Variants in NCAM2 observed in about 807,000 individuals in gnomAD.
The protein encoded by NCAM2 is N-CAM-2.
Under a neutral mutation model 98.1 loss-of-function variants are expected in NCAM2, and 30 were observed. That is an observed-to-expected ratio of 0.31 (90% CI 0.23 to 0.41). NCAM2 has a LOEUF of 0.41. Ranked by LOEUF, NCAM2 falls within the 10% of genes least tolerant of loss-of-function variation. The pLI, the probability that NCAM2 is intolerant of heterozygous loss-of-function variation, is 1.00. For missense variants in NCAM2, 867 were observed against 1,005.8 expected (o/e 0.86, Z 1.87); for synonymous variants, 368 against 342.4 (o/e 1.07, Z -0.83).
At chr21:21,071,869 GCCTATCTA>G (rs76456862) in intron 1 of NCAM2, among the ~76,000 whole-genome samples, 11,838 of 133,804 alleles carry the variant, frequency 0.088, 554 homozygotes, top group Admixed American at 0.11. Context: ...TGTCATGTCT[GCCTATCTA>G]TCTATCTATC....
intron 1 of NCAM2, among the ~76,000 whole-genome samples, chr21:21,210,053 G>A (rs751570486): frequency 1.3e-5 from 2 of 152,114 alleles, no homozygotes; most frequent in Non-Finnish European, 1.5e-5. Context: ...TGTCTTAGAG[G>A]AGGACACAGA....
chr21:21,050,101 TG>T (rs1568967810), intron 1 of NCAM2, among the ~76,000 whole-genome samples: 12 of 151,760 alleles, frequency 7.9e-5, no homozygotes. Flanking sequence ...AAAATTTGAA[TG>T]TTTTTTTCAT....
chr21:21,244,077 AG>A (rs1417122746), intron 1 of NCAM2, among the ~76,000 whole-genome samples: 2 of 152,208 alleles, frequency 1.3e-5, no homozygotes, highest in Non-Finnish European at 2.9e-5. Flanking sequence ...CCATTGGTCC[AG>A]TTTAGGAAGG....
intron 11 of NCAM2, among the ~76,000 whole-genome samples, chr21:21,430,275 A>C (rs1480832840): frequency 6.6e-6 from 1 of 151,478 alleles, no homozygotes; most frequent in Admixed American, 6.6e-5. Flanking sequence ...TAATCCGCCC[A>C]CCTCAGCTTC....
chr21:21,228,253 AG>A (rs904886601), intron 1 of NCAM2, among the ~76,000 whole-genome samples: 10 of 151,642 alleles, frequency 6.6e-5, no homozygotes, highest in African/African-American at 2.4e-4. Context: ...CAAATGCTAG[AG>A]GGGCTGTCAG....
chr21:21,501,957 T>C (rs986929267), intron 15 of NCAM2, among the ~76,000 whole-genome samples: 8 of 152,006 alleles, frequency 5.3e-5, no homozygotes, highest in Non-Finnish European at 8.8e-5. Flanking sequence ...TTCCCAGAAA[T>C]TGGTAAATAA....
intron 4 of NCAM2, among the ~76,000 whole-genome samples, chr21:21,290,596 T>C (rs2073255268): frequency 6.6e-6 from 1 of 151,930 alleles, no homozygotes; most frequent in Admixed American, 6.6e-5. Context: ...GTGAGCATTA[T>C]GGAAAAGTTT....
intron 5 of NCAM2, among the ~76,000 whole-genome samples, chr21:21,299,186 T>A (rs1313697605): frequency 1.3e-5 from 2 of 151,658 alleles, no homozygotes; most frequent in African/African-American, 4.8e-5. Flanking sequence ...TGGAGAGACA[T>A]TCATGGGTCC....
chr21:21,526,007 A>C (rs1264360962), intron 16 of NCAM2, among the ~76,000 whole-genome samples: 3 of 152,100 alleles, frequency 2.0e-5, no homozygotes, highest in East Asian at 3.9e-4. Context: ...TTAACTTAAT[A>C]AAGGATATCT....
At chr21:21,420,355 C>T (rs1602287476) in intron 11 of NCAM2, among the ~76,000 whole-genome samples, 2 of 151,662 alleles carry the variant, frequency 1.3e-5, no homozygotes, top group Admixed American at 1.3e-4. Context: ...ATAAAATTTG[C>T]CATTATGTTT....
At chr21:21,481,642 T>C (rs1985894914) in intron 15 of NCAM2, among the ~76,000 whole-genome samples, 1 of 151,900 alleles carries the variant, frequency 6.6e-6, no homozygotes, top group Admixed American at 6.6e-5. Flanking sequence ...AAATGCTAGA[T>C]GAAACAAATC....
chr21:21,202,982 C>T (rs2069292030), intron 1 of NCAM2, among the ~76,000 whole-genome samples: 1 of 152,124 alleles, frequency 6.6e-6, no homozygotes, highest in South Asian at 2.1e-4. Flanking sequence ...CTATCAATAA[C>T]AGTTGTTTGT....
intron 1 of NCAM2, among the ~76,000 whole-genome samples, chr21:21,178,963 A>T (rs2068384597): frequency 6.6e-6 from 1 of 152,048 alleles, no homozygotes; most frequent in Non-Finnish European, 1.5e-5. Flanking sequence ...TCCATGAATT[A>T]CTGAGGGTAG....
At chr21:21,447,775 C>G (rs1980410752) in intron 12 of NCAM2, among the ~76,000 whole-genome samples, 1 of 152,102 alleles carries the variant, frequency 6.6e-6, no homozygotes, top group South Asian at 2.1e-4. Flanking sequence ...TTTACGTGGA[C>G]AACCAACTTA....
chr21:21,115,789 A>G (rs1601408641), intron 1 of NCAM2, among the ~76,000 whole-genome samples: 2 of 152,302 alleles, frequency 1.3e-5, no homozygotes, highest in East Asian at 1.9e-4. Flanking sequence ...TAAGTTCAAA[A>G]CAGTGGGGAT....
chr21:21,328,896 C>A lies in NCAM2; in HGVS notation c.737+4396C>A, dbSNP rs938830722. Among the ~76,000 whole-genome samples the A allele has an allele frequency of 2.6e-5, 4 of 151,728 alleles. No homozygotes were observed. In the East Asian group the frequency reaches 7.8e-4, roughly 29 times the overall value. On this transcript the variant is annotated intron_variant, in intron 6 of 17. Coordinates refer to ENST00000400546, the MANE Select transcript of NCAM2 (RefSeq NM_004540.5). ...CTCACTGAGTCACCCAGAAGAACTTCTAGTCCTGGAAGCTCCATTTACAAC... is the reference window on the plus strand; with the variant it reads ...CTCACTGAGTCACCCAGAAGAACTTATAGTCCTGGAAGCTCCATTTACAAC...
chr21:21,214,698 CA>C (rs1214270472), intron 1 of NCAM2, among the ~76,000 whole-genome samples: 13 of 99,076 alleles, frequency 1.3e-4, no homozygotes, highest in Admixed American at 1.0e-3. Context: ...TCTCTGGTAT[CA>C]GGGGGAGTAA....
At chr21:21,394,519 C>CG (rs1555886595) in intron 9 of NCAM2, among the ~76,000 whole-genome samples, 5 of 94,078 alleles carry the variant, frequency 5.3e-5, no homozygotes, top group Non-Finnish European at 9.8e-5. Flanking sequence ...GACAGAGTTG[C>CG]GCTCTGTTGC....
At chr21:21,076,896 G>A (rs572815170) in intron 1 of NCAM2, among the ~76,000 whole-genome samples, 1 of 152,172 alleles carries the variant, frequency 6.6e-6, no homozygotes, top group Non-Finnish European at 1.5e-5. Context: ...TTGGAGGACT[G>A]TCCTTTGCAG....
Sources: allele counts gnomAD v4.1 joint callset (sites outside exome capture counted in the v4.1 genomes callset), GRCh38; gene constraint gnomAD v4.1.1; transcripts MANE v1.5; gene names NCBI Gene and HGNC (gene_info 2026-07-23, HGNC 2026-07-21).